Variants in SSRP1 observed in about 807,000 individuals in gnomAD.
The protein encoded by SSRP1 is structure specific recognition protein 1, also known as FACT complex subunit SSRP1.
SSRP1 carries 21 observed loss-of-function variants against 84.4 expected under a neutral mutation model. That is an observed-to-expected ratio of 0.25 (90% confidence interval 0.18 to 0.36). The LOEUF (loss-of-function observed/expected upper bound fraction) is 0.36. Ranked by LOEUF, SSRP1 falls within the 10% of genes least tolerant of loss-of-function variation. The pLI, the probability that SSRP1 is intolerant of heterozygous loss-of-function variation, is 1.00. For missense variants in SSRP1, 519 were observed against 900.8 expected (o/e 0.58, Z 5.43); for synonymous variants, 319 against 318.3 (o/e 1.00, Z -0.02).
At position 57,332,333 on chromosome 11, in the gene SSRP1, C is replaced by T; in HGVS notation, c.872+50G>A. On this transcript the variant is annotated intron_variant, in intron 7 of 16. Coordinates refer to ENST00000278412, the MANE Select transcript of SSRP1 (RefSeq NM_003146.3). This position sits in a 1 kb window ranked among gnomAD's most constrained non-coding sequence, Gnocchi z 5.5. Reference sequence around the variant, plus strand: ...ACACTACTGCCTTCTAATGGCACACCTGTCTCCTGCCTGGACAGTGGTAGG... The same window carrying T: ...ACACTACTGCCTTCTAATGGCACACTTGTCTCCTGCCTGGACAGTGGTAGG... 6.2e-7 allele frequency: 1 copy of T among 1,613,836 alleles called. No individual in the cohort carries two copies.
intron 15 of SSRP1, 95 bp downstream of exon 15, chr11:57,327,331 G>A (rs1856005468): frequency 1.6e-6 from 2 of 1,268,148 alleles, no homozygotes; most frequent in African/African-American, 3.5e-5. Flanking sequence ...AAGCATCTCT[G>A]CTGTCTTTAA....
At position 57,333,513 on chromosome 11, in the gene SSRP1, T is replaced by C. The variant is rs1174735311; in HGVS notation, c.268A>G (p.Lys90Glu). ...SEFEKLSDFF[K>E]THYRLELMEK... ...ATTAGCTCAAGGCGATAGTGAGTTT[T>C]GAAGAAATCAGAGAGTTTCTCAAAC... Residue 90 changes from lysine to glutamate, a missense_variant, in exon 4 of 17, where the codon AAA becomes GAA. By Grantham distance (56) the Lys-to-Glu change is moderately conservative (BLOSUM62 1). Transcript: ENST00000278412. 1.2e-6 allele frequency: 2 copies of C among 1,613,884 alleles called. No homozygotes were observed. Among genetic ancestry groups the C allele is most frequent in the Non-Finnish European group, 1.7e-6 (2 of 1,180,032 alleles).
intron 3 of SSRP1, 100 bp downstream of exon 3, chr11:57,334,363 A>G: frequency 7.1e-7 from 1 of 1,411,470 alleles, no homozygotes; most frequent in South Asian, 1.3e-5. Flanking sequence ...AGCCCAAACT[A>G]GCAATCACAG....
At position 57,330,184 on chromosome 11, in the gene SSRP1, C is replaced by T. The variant is rs749167817; in HGVS notation, c.1436-46G>A. The T allele has an allele frequency of 1.2e-6, 2 of 1,614,106 alleles. No homozygotes were observed. Among genetic ancestry groups the T allele is most frequent in the Non-Finnish European group, 1.7e-6 (2 of 1,180,000 alleles). On this transcript the variant is annotated intron_variant, in intron 11 of 16. Transcript: ENST00000278412. The surrounding 1 kb of genome is among the most constrained non-coding windows in gnomAD (Gnocchi z 4.0). ...CATCAGCTTCTGCCCCAATGGAAAT[C>T]CCCCCACCTCACCCAGGCACCCAGC...
Position 57,330,822 on chromosome 11 carries a change from G to C in SSRP1, c.1296+33C>G. ...CCCTTTCTCCCCTATAGAAAGACCA[G>C]GAGAGGGTCTCATCCTCCCCACACA... On this transcript the variant is annotated intron_variant, in intron 10 of 16. Transcript: ENST00000278412. This position sits in a 1 kb window ranked among gnomAD's most constrained non-coding sequence, Gnocchi z 4.0. 2 of 1,614,122 alleles carry C rather than the reference G, an allele frequency of 1.2e-6. No individual in the cohort carries two copies. Among genetic ancestry groups the C allele is most frequent in the South Asian group, 2.2e-5 (2 of 91,080 alleles).
chr11:57,335,462 G>A lies in SSRP1; in HGVS notation c.-119-222C>T, dbSNP rs1356740478. On this transcript the variant is annotated intron_variant, in intron 1 of 16. Transcript: ENST00000278412. The surrounding 1 kb of genome is among the most constrained non-coding windows in gnomAD (Gnocchi z 4.6). The stretch of plus-strand genomic sequence containing the variant: ...ACCCAACCCGACGCCCGCTCTGGCC[G>A]CTCCGGCGGGAGCCATGGCAACGAG... 6 of 322,034 alleles carry A rather than the reference G, an allele frequency of 1.9e-5. No individual in the cohort carries two copies. Among genetic ancestry groups the A allele is most frequent in the Non-Finnish European group, 3.7e-5 (6 of 163,598 alleles). 19.9% of individuals were successfully genotyped at this position (322,034 alleles called of 1,614,324 possible). A position where few individuals can be genotyped will look rare whatever the true frequency, so the allele number is the denominator to read the frequency against.
rs1424056391 is a variant in SSRP1 at position 57,333,518 on chromosome 11, A to T, written c.263T>A (p.Phe88Tyr). 1 of 1,613,868 alleles carries T rather than the reference A, an allele frequency of 6.2e-7. No homozygotes were observed. Among genetic ancestry groups the T allele is most frequent in the Non-Finnish European group, 8.5e-7 (1 of 1,180,016 alleles). Residue 88 changes from phenylalanine to tyrosine, a missense_variant, in exon 4 of 17, where the codon TTC (phenylalanine) becomes TAC (tyrosine). By Grantham distance (22) the Phe-to-Tyr change is conservative. Coordinates refer to ENST00000278412, the MANE Select transcript of SSRP1 (RefSeq NM_003146.3). ...CTCAAGGCGATAGTGAGTTTTGAAG[A>T]AATCAGAGAGTTTCTCAAACTCCTG... Reference protein sequence around the residue: ...RESEFEKLSDFFKTHYRLELM... With the variant: ...RESEFEKLSDYFKTHYRLELM...
At position 57,326,824 on chromosome 11, in the gene SSRP1, C is replaced by A. The variant is rs376694903; in HGVS notation, c.1937G>T (p.Gly646Val). 6.2e-7 allele frequency: 1 copy of A among 1,614,218 alleles called. No homozygotes were observed. The highest frequency in any genetic ancestry group is 2.2e-5 in the East Asian group (1 of 44,886). ...CCTTGAGGACGACTTGGATGATGAG[C>A]CCCTAGAGGGCGTGGATTTCTTTTC... ...KMEKKSTPSR[G>V]SSSKSSSRQL... Residue 646 changes from glycine (G) to valine (V), a missense_variant, in exon 16 of 17, where the codon GGC becomes GTC. By Grantham distance (109) the Gly-to-Val change is moderately radical. This residue lies in a region of SSRP1 where 197 missense variants were observed against 265.0 expected (regional missense o/e 0.74). Transcript: ENST00000278412.
chr11:57,327,590 C>T (rs140596280), intron 14 of SSRP1, 76 bp from the exon 15 acceptor site: 68 of 1,604,626 alleles, frequency 4.2e-5, no homozygotes, highest in Non-Finnish European at 4.7e-5. Flanking sequence ...CAGGCAAAAT[C>T]GATACAGAAA....
intron 14 of SSRP1, 76 bp downstream of exon 14, chr11:57,327,636 C>A: frequency 6.2e-7 from 1 of 1,603,150 alleles, no homozygotes; most frequent in Non-Finnish European, 8.5e-7. Context: ...CCCTATCAGT[C>A]ATGAGACTCG....
intron 3 of SSRP1, among the ~76,000 whole-genome samples, 168 bp downstream of exon 3, chr11:57,334,295 C>T (rs1202652738): frequency 6.6e-6 from 1 of 152,246 alleles, no homozygotes; most frequent in Non-Finnish European, 1.5e-5. Flanking sequence ...ATTCACAAGA[C>T]TTCAACGCTC....
chr11:57,328,025 A>G (rs1482514483), intron 13 of SSRP1, 143 bp from the exon 14 acceptor site: 11 of 1,064,872 alleles, frequency 1.0e-5, no homozygotes, highest in Non-Finnish European at 1.5e-5. Flanking sequence ...AAGGGCAAGG[A>G]TAGTATCTCC....
chr11:57,329,801 G>C, intron 12 of SSRP1: 1 of 505,806 alleles, frequency 2.0e-6, no homozygotes, highest in Non-Finnish European at 3.5e-6. Flanking sequence ...TAAGTGGCAA[G>C]CACCAGCTCA....
At chr11:57,331,428 C>T (rs977409824) in intron 9 of SSRP1, among the ~76,000 whole-genome samples, 2 of 151,968 alleles carry the variant, frequency 1.3e-5, no homozygotes, top group Non-Finnish European at 1.5e-5. Context: ...AGACATATAG[C>T]TTTCAGAATA....
At position 57,326,122 on chromosome 11, in the gene SSRP1, G is replaced by T; in HGVS notation, c.*285C>A. 2.0e-6 allele frequency: 1 copy of T among 498,032 alleles called. No individual in the cohort carries two copies. The highest frequency in any genetic ancestry group is 3.6e-6 in the Non-Finnish European group (1 of 277,672). The allele number at this position is 498,032 out of a possible 1,614,324, so 30.9% of individuals were successfully genotyped here. On this transcript the variant is annotated 3_prime_UTR_variant, in exon 17 of 17. Transcript: ENST00000278412. ...TGCTCCAGCAACTTGAACAGGACAA[G>T]CAGCAGCTACATCCTTAAGGTCGGG...
At position 57,326,753 on chromosome 11, in the gene SSRP1, C is replaced by G. The variant is rs138466158; in HGVS notation, c.2008G>C (p.Glu670Gln). ...CTCTTGTTCTCTCCCGAAGAGCTCT[C>G]ATCACTAGACACAAACTCTTTGCTC... is the stretch of plus-strand genomic sequence containing the variant. ...FKSKEFVSSD[E>Q]SSSGENKSKK... The change falls in exon 16 of 17, where the codon GAG becomes CAG. Residue 670 changes from glutamate (E) to glutamine (Q), a missense_variant. Coordinates refer to ENST00000278412, the MANE Select transcript of SSRP1 (RefSeq NM_003146.3). 6.2e-7 allele frequency: 1 copy of G among 1,614,232 alleles called. No homozygotes were observed. Among genetic ancestry groups the G allele is most frequent in the Non-Finnish European group, 8.5e-7 (1 of 1,180,044 alleles).
chr11:57,326,823 G>C lies in SSRP1; in HGVS notation c.1938C>G (p.Gly646=). ...KMEKKSTPSR[G]SSSKSSSRQL... ...GCCTTGAGGACGACTTGGATGATGAGCCCCTAGAGGGCGTGGATTTCTTTT... is the reference window on the plus strand; with the variant it reads ...GCCTTGAGGACGACTTGGATGATGACCCCCTAGAGGGCGTGGATTTCTTTT... Residue 646 remains glycine (G), a synonymous_variant, in exon 16 of 17, where the codon GGC becomes GGG. Transcript: ENST00000278412. 6.2e-7 allele frequency: 1 copy of C among 1,614,208 alleles called. No individual in the cohort carries two copies. The highest frequency in any genetic ancestry group is 8.5e-7 in the Non-Finnish European group (1 of 1,180,036).
At chr11:57,333,605 G>A in intron 3 of SSRP1, 65 bp from the exon 4 acceptor site, 1 of 1,169,474 alleles carries the variant, frequency 8.6e-7, no homozygotes, top group Non-Finnish European at 1.3e-6. Context: ...CGACTTGAAT[G>A]TCCTGGGATT....
chr11:57,333,564 C>T (rs776736514), intron 3 of SSRP1, 24 bp from the exon 4 acceptor site: 3 of 1,572,470 alleles, frequency 1.9e-6, no homozygotes, highest in African/African-American at 2.7e-5. Context: ...GAAGAAAGCA[C>T]AATCCCAGTA....
Sources: allele counts gnomAD v4.1 joint callset (sites outside exome capture counted in the v4.1 genomes callset), GRCh38; gene constraint gnomAD v4.1.1; regional missense constraint gnomAD v4.1.1; non-coding constraint Gnocchi (gnomAD v3.1); transcripts MANE v1.5; gene names NCBI Gene and HGNC (gene_info 2026-07-23, HGNC 2026-07-21).